The following SGIP1 variants were observed in gnomAD, a reference collection of about 807,000 sequenced individuals.
The protein encoded by SGIP1 is SH3GL interacting endocytic adaptor 1, also known as SH3-containing GRB2-like protein 3-interacting protein 1.
Under a neutral mutation model 107.5 loss-of-function variants are expected in SGIP1, and 38 were observed. The ratio of observed to expected loss-of-function variants is 0.35; its 90% CI spans 0.27 to 0.46. SGIP1 has a LOEUF of 0.46. SGIP1 is among the 20% of genes least tolerant of loss of function. The pLI is 1.00. For missense variants in SGIP1, 929 were observed against 1,019.5 expected (o/e 0.91, Z 1.21); for synonymous variants, 365 against 366.1 (o/e 1.00, Z 0.03).
chr1:66,621,408 G>T (rs1354685927), intron 1 of SGIP1, among the ~76,000 whole-genome samples: 1 of 152,000 alleles, frequency 6.6e-6, no homozygotes, highest in East Asian at 1.9e-4. Context: ...GAATAATCTG[G>T]CTTGAACTAT....
chr1:66,629,986 G>C (rs190579990), intron 2 of SGIP1, among the ~76,000 whole-genome samples: 53 of 152,280 alleles, frequency 3.5e-4, no homozygotes, highest in Admixed American at 3.1e-3. Context: ...GAGAAACAAA[G>C]GGGTGAAGTA....
At chr1:66,674,158 A>G (rs1278920512) in intron 12 of SGIP1, among the ~76,000 whole-genome samples, 1 of 151,992 alleles carries the variant, frequency 6.6e-6, no homozygotes, top group East Asian at 1.9e-4. Context: ...GCACAGCAAG[A>G]CCCCACCTCA....
chr1:66,586,457 A>C (rs1452236889), intron 1 of SGIP1, among the ~76,000 whole-genome samples: 1 of 152,088 alleles, frequency 6.6e-6, no homozygotes, highest in Non-Finnish European at 1.5e-5. Flanking sequence ...AGAATTATAT[A>C]ATGTTTTTAA....
At chr1:66,691,291 G>A (rs2089792428) in intron 17 of SGIP1, among the ~76,000 whole-genome samples, 1 of 152,118 alleles carries the variant, frequency 6.6e-6, no homozygotes, top group Non-Finnish European at 1.5e-5. Flanking sequence ...AGTTGCCTAT[G>A]TGAGAAGTAG....
chr1:66,675,537 CTTTCTTTTTTT>C lies in SGIP1; in HGVS notation c.647-1463_647-1453del, dbSNP rs917740903. On this transcript the variant is annotated intron_variant, in intron 12 of 24. Transcript: ENST00000371037. ...TTTCGTTGTTTTTCTTTTTCTTTTT[CTTTCTTTTTTT>C]TTTTTTTTTTTGACAGAATCTCACT... Among the ~76,000 whole-genome samples, 16 of 109,222 alleles carry C rather than the reference CTTTCTTTTTTT, an allele frequency of 1.5e-4. 1 individual carries two copies. Among genetic ancestry groups the C allele is most frequent in the African/African-American group, 5.8e-4 (14 of 24,262 alleles). The allele number at this position is 109,222 out of a possible 152,430, so 71.7% of individuals were successfully genotyped here.
chr1:66,628,141 C>T (rs1469575052), intron 2 of SGIP1, among the ~76,000 whole-genome samples: 1 of 152,074 alleles, frequency 6.6e-6, no homozygotes, highest in Non-Finnish European at 1.5e-5. Context: ...TTAATCCAGT[C>T]TATCATTGTT....
chr1:66,564,756 C>T (rs2059420219), intron 1 of SGIP1, among the ~76,000 whole-genome samples: 1 of 151,894 alleles, frequency 6.6e-6, no homozygotes, highest in African/African-American at 2.4e-5. Context: ...CCAAGAATCA[C>T]ACAATCTACT....
At chr1:66,710,998 A>T (rs751461570) in intron 18 of SGIP1, among the ~76,000 whole-genome samples, 1 of 152,174 alleles carries the variant, frequency 6.6e-6, no homozygotes, top group Non-Finnish European at 1.5e-5. Context: ...TGGTGTGTAA[A>T]GCTATTAACA....
At chr1:66,559,422 G>A (rs1051388654) in intron 1 of SGIP1, among the ~76,000 whole-genome samples, 45 of 152,042 alleles carry the variant, frequency 3.0e-4, no homozygotes, top group African/African-American at 1.0e-3. Context: ...ACCTACATAA[G>A]CACATGCATG....
At chr1:66,561,975 C>A (rs1457910539) in intron 1 of SGIP1, among the ~76,000 whole-genome samples, 1 of 151,910 alleles carries the variant, frequency 6.6e-6, no homozygotes, top group African/African-American at 2.4e-5. Flanking sequence ...TTTTGGTTGC[C>A]CATTCCTGAT....
chr1:66,661,443 G>A (rs565875335), intron 8 of SGIP1, among the ~76,000 whole-genome samples: 41 of 152,312 alleles, frequency 2.7e-4, no homozygotes, highest in African/African-American at 9.6e-4. Context: ...TTACAGAAAA[G>A]CTATAGGATA....
At chr1:66,534,419 A>G in intron 1 of SGIP1, 51 bp downstream of exon 1, 1 of 1,607,622 alleles carries the variant, frequency 6.2e-7, no homozygotes, top group South Asian at 1.1e-5. Flanking sequence ...GTTTGGGCAG[A>G]ACAGCATTAA....
At chr1:66,536,102 A>G (rs1340234606) in intron 1 of SGIP1, among the ~76,000 whole-genome samples, 2 of 152,252 alleles carry the variant, frequency 1.3e-5, no homozygotes, top group African/African-American at 4.8e-5. Context: ...ATGTCAGTTC[A>G]AAGCTCTGTG....
chr1:66,536,051 A>G (rs2053528837), intron 1 of SGIP1, among the ~76,000 whole-genome samples: 1 of 152,238 alleles, frequency 6.6e-6, no homozygotes, highest in Non-Finnish European at 1.5e-5. Context: ...GATGCTCATG[A>G]ATGATTCTCC....
At chr1:66,568,861 C>A (rs1277425893) in intron 1 of SGIP1, among the ~76,000 whole-genome samples, 7 of 151,838 alleles carry the variant, frequency 4.6e-5, no homozygotes, top group African/African-American at 1.7e-4. Context: ...ATTGAGGGAG[C>A]TTTTACTATT....
At chr1:66,735,127 C>T (rs971416373) in intron 21 of SGIP1, among the ~76,000 whole-genome samples, 3 of 152,140 alleles carry the variant, frequency 2.0e-5, no homozygotes, top group African/African-American at 7.2e-5. Flanking sequence ...ACCCCACCAC[C>T]ACTACCTCAG....
At chr1:66,678,694 C>T (rs2085925120) in intron 13 of SGIP1, among the ~76,000 whole-genome samples, 1 of 151,902 alleles carries the variant, frequency 6.6e-6, no homozygotes, top group South Asian at 2.1e-4. Flanking sequence ...AGGATGCTAC[C>T]TAAAAATAAT....
intron 7 of SGIP1, among the ~76,000 whole-genome samples, chr1:66,656,488 A>G (rs1179413818): frequency 6.6e-6 from 1 of 152,238 alleles, no homozygotes; most frequent in African/African-American, 2.4e-5. Context: ...TTACGCCAGC[A>G]TCACCACAAG....
chr1:66,546,637 C>G (rs1402460684), intron 1 of SGIP1, among the ~76,000 whole-genome samples: 1 of 152,180 alleles, frequency 6.6e-6, no homozygotes, highest in African/African-American at 2.4e-5. Flanking sequence ...TTCTTGGCTC[C>G]TATTTAGTAA....
Sources: allele counts gnomAD v4.1 joint callset (sites outside exome capture counted in the v4.1 genomes callset), GRCh38; gene constraint gnomAD v4.1.1; transcripts MANE v1.5; gene names NCBI Gene and HGNC (gene_info 2026-07-23, HGNC 2026-07-21).